The following TXNRD1 variants were observed in gnomAD, a reference collection of about 807,000 sequenced individuals.
TXNRD1 encodes the protein thioredoxin reductase 1, also known as thioredoxin reductase 1, cytoplasmic.
TXNRD1 carries 57 observed loss-of-function variants against 80.3 expected under a neutral mutation model. The observed-to-expected ratio is 0.71, with a 90% CI of 0.57 to 0.89. The LOEUF (loss-of-function observed/expected upper bound fraction) is 0.89, where lower values mean the gene tolerates loss of function less well. Ranked by LOEUF, TXNRD1 falls within the 40% of genes least tolerant of loss-of-function variation. The pLI is 0.00. For missense variants in TXNRD1, 730 were observed against 803.0 expected (o/e 0.91, Z 1.10); for synonymous variants, 291 against 285.2 (o/e 1.02, Z -0.20).
At chr12:104,274,815 T>A (rs1352521158) in intron 3 of TXNRD1, among the ~76,000 whole-genome samples, 1 of 152,126 alleles carries the variant, frequency 6.6e-6, no homozygotes, top group Non-Finnish European at 1.5e-5. Context: ...CCTTGGCTGG[T>A]GGTGAGGGTG....
At chr12:104,224,771 A>C (rs750019965) in intron 1 of TXNRD1, 2 of 452,934 alleles carry the variant, frequency 4.4e-6, no homozygotes, top group Non-Finnish European at 8.9e-6. Context: ...AGTTGTGTCA[A>C]GTTATTCCCT....
At chr12:104,261,111 A>G (rs1192750471) in intron 3 of TXNRD1, among the ~76,000 whole-genome samples, 1 of 151,648 alleles carries the variant, frequency 6.6e-6, no homozygotes, top group Non-Finnish European at 1.5e-5. Flanking sequence ...TGGATTATGA[A>G]TTGACTTTTG....
intron 2 of TXNRD1, among the ~76,000 whole-genome samples, chr12:104,252,953 C>T (rs1325188498): frequency 2.0e-5 from 3 of 151,624 alleles, no homozygotes; most frequent in South Asian, 2.1e-4. Flanking sequence ...CCACCTGCCT[C>T]GGCCTCCCAA....
In TXNRD1 at chr12:104,331,622, T is replaced by C. The variant is rs764041824; in HGVS notation, c.1631T>C (p.Phe544Ser). 1.2e-6 allele frequency: 2 copies of C among 1,611,870 alleles called. No individual in the cohort carries two copies. The highest frequency in any genetic ancestry group is 1.1e-5 in the South Asian group (1 of 90,744). ...TCTGAGGAGAAAGCTGTGGAGAAGT[T>C]TGGGGAAGAAAATATTGAGGTAAGT... The part of the protein sequence containing the change: ...GLSEEKAVEK[F>S]GEENIEVYHS... The change falls in exon 14 of 17, where the codon TTT (phenylalanine) becomes TCT (serine). Residue 544 changes from phenylalanine (F) to serine (S), a missense_variant. Coordinates refer to ENST00000525566, the MANE Select transcript of TXNRD1 (RefSeq NM_001093771.3).
intron 4 of TXNRD1, among the ~76,000 whole-genome samples, chr12:104,292,382 C>T (rs2034251593): frequency 7.4e-6 from 1 of 135,370 alleles, no homozygotes; most frequent in African/African-American, 2.7e-5. Context: ...GGAATCTACC[C>T]CCGCCCCCCC....
intron 1 of TXNRD1, among the ~76,000 whole-genome samples, chr12:104,249,821 G>A (rs957466427): frequency 4.6e-5 from 7 of 151,400 alleles, no homozygotes; most frequent in Admixed American, 2.0e-4. Context: ...TGTAGTCCCA[G>A]CTACTCGCGA....
chr12:104,259,957 C>T (rs561007498), intron 3 of TXNRD1, among the ~76,000 whole-genome samples: 96 of 152,286 alleles, frequency 6.3e-4, no homozygotes, highest in African/African-American at 2.2e-3. Context: ...AGTATAGTCA[C>T]CTATCCTCAC....
At chr12:104,311,756 G>A (rs1329637099) in intron 5 of TXNRD1, among the ~76,000 whole-genome samples, 3 of 152,058 alleles carry the variant, frequency 2.0e-5, no homozygotes, top group African/African-American at 2.4e-5. Context: ...CGAGGTGGGC[G>A]GATCACCTGA....
intron 4 of TXNRD1, chr12:104,291,219 G>C (rs1044840198): frequency 3.4e-6 from 1 of 293,354 alleles, no homozygotes; most frequent in African/African-American, 7.0e-5. Flanking sequence ...TTTTTTTTTT[G>C]AGACAAAGTC....
chr12:104,268,427 A>AGGCAGGAGAGTGG, intron 3 of TXNRD1, among the ~76,000 whole-genome samples: 1 of 151,426 alleles, frequency 6.6e-6, no homozygotes, highest in East Asian at 2.1e-4. Context: ...CCGGAGGGTG[A>AGGCAGGAGAGTGG]GGCAGGAGAG....
chr12:104,336,048 A>G (rs2036128727), intron 15 of TXNRD1, among the ~76,000 whole-genome samples: 1 of 152,180 alleles, frequency 6.6e-6, no homozygotes, highest in Admixed American at 6.5e-5. Flanking sequence ...TATTTATATG[A>G]GTATACATTA....
At chr12:104,301,726 T>C (rs1255262598) in intron 4 of TXNRD1, among the ~76,000 whole-genome samples, 2 of 152,232 alleles carry the variant, frequency 1.3e-5, no homozygotes, top group Admixed American at 1.3e-4. Context: ...GTCTTGGAAT[T>C]CTTAACTGTA....
At chr12:104,232,822 A>G (rs1295418194) in intron 1 of TXNRD1, among the ~76,000 whole-genome samples, 1 of 152,206 alleles carries the variant, frequency 6.6e-6, no homozygotes. Flanking sequence ...AGATGCTTCT[A>G]AGAAGCCTGA....
At chr12:104,288,540 C>G (rs571838845) in intron 3 of TXNRD1, among the ~76,000 whole-genome samples, 18 of 152,200 alleles carry the variant, frequency 1.2e-4, no homozygotes, top group Non-Finnish European at 2.1e-4. Flanking sequence ...CAAGATCAAA[C>G]TGGGAGGTGT....
chr12:104,221,155 C>G (rs1307708221), intron 1 of TXNRD1, among the ~76,000 whole-genome samples: 2 of 151,988 alleles, frequency 1.3e-5, no homozygotes, highest in African/African-American at 4.8e-5. Context: ...CACACCTGCT[C>G]AGGAGGTTAA....
At chr12:104,283,761 T>A (rs1177226620) in intron 3 of TXNRD1, among the ~76,000 whole-genome samples, 1 of 152,014 alleles carries the variant, frequency 6.6e-6, no homozygotes, top group East Asian at 2.0e-4. Context: ...TCCCATCTAC[T>A]CAGGAGGCTG....
rs1565904891 is a variant in TXNRD1 at position 104,325,396 on chromosome 12, T to C, written c.1275T>C (p.Asn425=). The change falls in exon 11 of 17, where the codon AAT becomes AAC. Residue 425 remains asparagine (N), a synonymous_variant. Coordinates refer to ENST00000525566, the MANE Select transcript of TXNRD1 (RefSeq NM_001093771.3). ...GRLRVVAQST[N]SEEIIEGEYN... ...TCAGAGTAGTAGCTCAGTCCACCAA[T>C]AGTGAGGAAATCATTGAAGGAGAAT... 3 of 1,613,214 alleles carry C rather than the reference T, an allele frequency of 1.9e-6. No individual in the cohort carries two copies. Among genetic ancestry groups the C allele is most frequent in the Middle Eastern group, 1.6e-4 (1 of 6,062 alleles).
intron 4 of TXNRD1, among the ~76,000 whole-genome samples, chr12:104,306,174 G>A (rs1430541785): frequency 6.6e-6 from 1 of 152,190 alleles, no homozygotes; most frequent in Non-Finnish European, 1.5e-5. Flanking sequence ...GAAATGCTGG[G>A]ATTACAAGTG....
chr12:104,265,223 G>A (rs530933678), intron 3 of TXNRD1: 9 of 1,244,420 alleles, frequency 7.2e-6, no homozygotes, highest in Admixed American at 6.6e-5. Flanking sequence ...CTGCACTCCA[G>A]CCTGGTGACA....
Sources: allele counts gnomAD v4.1 joint callset (sites outside exome capture counted in the v4.1 genomes callset), GRCh38; gene constraint gnomAD v4.1.1; transcripts MANE v1.5; gene names NCBI Gene and HGNC (gene_info 2026-07-23, HGNC 2026-07-21).